KLHL30: variants seen among roughly 807,000 people sequenced by gnomAD.
KLHL30 encodes the protein kelch like family member 30, also known as kelch-like protein 30.
Under a neutral mutation model 55.0 loss-of-function variants are expected in KLHL30, and 55 were observed. That is an observed-to-expected ratio of 1.00 (90% CI 0.80 to 1.25). KLHL30 has a LOEUF of 1.25. KLHL30 is among the 50% of genes most tolerant of loss of function. KLHL30 has a pLI of 0.00. For missense variants in KLHL30, 786 were observed against 811.6 expected (o/e 0.97, Z 0.38); for synonymous variants, 356 against 372.6 (o/e 0.96, Z 0.51).
Position 238,142,131 on chromosome 2 carries a change from G to A in KLHL30, c.774+603G>A, listed in dbSNP as rs910741034. Among the ~76,000 whole-genome samples the A allele has an allele frequency of 1.6e-4, 24 of 152,260 alleles. 1 individual carries two copies. The highest frequency in any genetic ancestry group is 2.4e-4 in the African/African-American group (10 of 41,528). The stretch of plus-strand genomic sequence containing the variant: ...ATGACAGGTCTGGGAGTGGCTGTTC[G>A]GTCAGCTGCCGGGCACCCTGCTCAG... On this transcript the variant is annotated intron_variant, in intron 2 of 7. Transcript: ENST00000409223.
chr2:238,151,062 C>G lies in KLHL30; in HGVS notation c.1734C>G (p.His578Gln). 6.3e-7 allele frequency: 1 copy of G among 1,589,464 alleles called. No homozygotes were observed. ...AGCCCTCCGGCCCCACCCAGGAGCACTAAACCAGGGCCAGGGTCCCCGGGG... is the reference window on the plus strand; with the variant it reads ...AGCCCTCCGGCCCCACCCAGGAGCAGTAAACCAGGGCCAGGGTCCCCGGGG... ...WTQPSGPTQE[H>Q] Residue 578 changes from histidine to glutamine, a missense_variant, in exon 8 of 8, where the codon CAC becomes CAG. Physicochemically the swap from His to Gln is conservative, Grantham distance 24. Coordinates refer to ENST00000409223, the MANE Select transcript of KLHL30 (RefSeq NM_198582.4).
In KLHL30 at chr2:238,141,007, G is replaced by A; in HGVS notation, c.253G>A (p.Gly85Arg). 1 of 1,612,482 alleles carries A rather than the reference G, an allele frequency of 6.2e-7. No individual in the cohort carries two copies. The highest frequency in any genetic ancestry group is 8.5e-7 in the Non-Finnish European group (1 of 1,179,714). The change falls in exon 2 of 8, where the codon GGA (glycine) becomes AGA (arginine). Residue 85 changes from glycine (G) to arginine (R), a missense_variant. Transcript: ENST00000409223. ...GCGGGACGTGGAGCCCGCCGTGGTG[G>A]GACAACTGGTGGACTTCGTGTACAC... ...ELRDVEPAVV[G>R]QLVDFVYTGR...
At position 238,145,782 on chromosome 2, in the gene KLHL30, G is replaced by A. The variant is rs530757027; in HGVS notation, c.1100G>A (p.Arg367His). ...CCCGTGGCGCCCATGCTGAAGCCCC[G>A]CACCAACCACGCCAGCGCGGCCCTC... ...WKPVAPMLKP[R>H]TNHASAALNG... The change falls in exon 5 of 8, where the codon CGC becomes CAC. Residue 367 changes from arginine to histidine, a missense_variant. Coordinates refer to ENST00000409223, the MANE Select transcript of KLHL30 (RefSeq NM_198582.4). 51 of 1,607,614 alleles carry A rather than the reference G, an allele frequency of 3.2e-5. No individual in the cohort carries two copies. The highest frequency in any genetic ancestry group is 6.7e-5 in the East Asian group (3 of 44,728).
At chr2:238,148,979 C>A in intron 6 of KLHL30, 28 bp from the exon 7 acceptor site, 1 of 1,562,014 alleles carries the variant, frequency 6.4e-7, no homozygotes, top group South Asian at 1.2e-5. Flanking sequence ...ACCCTGGTGA[C>A]GGTGGCCAGT....
In KLHL30 at chr2:238,142,303, C is replaced by T. The variant is rs190875885; in HGVS notation, c.775-496C>T. Among the ~76,000 whole-genome samples, 8 of 152,342 alleles carry T rather than the reference C, an allele frequency of 5.3e-5. No individual in the cohort carries two copies. In the East Asian group the frequency reaches 9.6e-4, roughly 18 times the overall value. ...GGATTCCAGCCAGTCACAGAGCGCC[C>T]GGCCTCCTGCTGGAGCTGGCTTCAG... is the stretch of plus-strand genomic sequence containing the variant. On this transcript the variant is annotated intron_variant, in intron 2 of 7. Coordinates refer to ENST00000409223, the MANE Select transcript of KLHL30 (RefSeq NM_198582.4).
intron 2 of KLHL30, among the ~76,000 whole-genome samples, chr2:238,141,970 C>A (rs2106311009): frequency 6.6e-6 from 1 of 152,352 alleles, no homozygotes; most frequent in African/African-American, 2.4e-5. Context: ...AGGGGAAAAC[C>A]ATCCAGGAAG....
chr2:238,141,469 G>C lies in KLHL30; in HGVS notation c.715G>C (p.Glu239Gln). 1 of 1,517,624 alleles carries C rather than the reference G, an allele frequency of 6.6e-7. No individual in the cohort carries two copies. Among genetic ancestry groups the C allele is most frequent in the Non-Finnish European group, 8.8e-7 (1 of 1,138,314 alleles). 94.0% of individuals were successfully genotyped at this position (1,517,624 alleles called of 1,614,324 possible). Residue 239 changes from glutamate to glutamine, a missense_variant, in exon 2 of 8, where the codon GAG becomes CAG. Glu to Gln is a conservative substitution (Grantham distance 29). Transcript: ENST00000409223. ...RPCVQQLLAS[E>Q]PLIQESEACR... ...CTGCGTGCAGCAACTGCTGGCCTCA[G>C]AGCCCCTGATCCAGGAGTCAGAGGC...
At chr2:238,141,653 T>C in intron 2 of KLHL30, 125 bp downstream of exon 2, 1 of 1,095,552 alleles carries the variant, frequency 9.1e-7, no homozygotes, top group Non-Finnish European at 1.2e-6. Flanking sequence ...GCCACGCTCC[T>C]TGTTTTGGGC....
Position 238,147,885 on chromosome 2 carries a change from G to A in KLHL30, c.1202G>A (p.Ser401Asn), listed in dbSNP as rs887450499. 6.3e-7 allele frequency: 1 copy of A among 1,598,108 alleles called. No individual in the cohort carries two copies. Among genetic ancestry groups the A allele is most frequent in the Non-Finnish European group, 8.5e-7 (1 of 1,171,886 alleles). The change falls in exon 6 of 8, where the codon AGC becomes AAC. Residue 401 changes from serine (S) to asparagine (N), a missense_variant. By Grantham distance (46) the Ser-to-Asn change is conservative. Coordinates refer to ENST00000409223, the MANE Select transcript of KLHL30 (RefSeq NM_198582.4). The surrounding 1 kb of genome is among the most constrained non-coding windows in gnomAD (Gnocchi z 5.8). ...GAGAGCTATGACCCCTACACGGACA[G>A]CTGGACGCCCGTCAGCCCGGCCCTC... ...EVESYDPYTD[S>N]WTPVSPALKY...
chr2:238,144,098 C>T (rs905136473), intron 3 of KLHL30, among the ~76,000 whole-genome samples: 3 of 152,230 alleles, frequency 2.0e-5, no homozygotes, highest in South Asian at 4.1e-4. Flanking sequence ...CTTGTAGCTC[C>T]GAGAGGCAGG....
At chr2:238,146,618 G>A (rs1692652380) in intron 5 of KLHL30, among the ~76,000 whole-genome samples, 1 of 150,600 alleles carries the variant, frequency 6.6e-6, no homozygotes, top group South Asian at 2.1e-4. Flanking sequence ...TGTTGTCCAG[G>A]CTGGTCTCAA....
intron 1 of KLHL30, among the ~76,000 whole-genome samples, chr2:238,139,167 A>T (rs983556445): frequency 6.6e-6 from 1 of 152,194 alleles, no homozygotes; most frequent in Admixed American, 6.5e-5. Flanking sequence ...GACAGGTGTC[A>T]GCAGGCACCC....
chr2:238,149,086 C>CTT lies in KLHL30; in HGVS notation c.1420_1421insTT (p.Tyr474PhefsTer45). 6.2e-7 allele frequency: 1 copy of CTT among 1,613,324 alleles called. No homozygotes were observed. Among genetic ancestry groups the CTT allele is most frequent in the Non-Finnish European group, 8.5e-7 (1 of 1,179,860 alleles). ...GCTGTGCTGCACTGCACGGGGAGCT[C>CTT]TACCTCATTGGGGACAACACCAAGA... On this transcript the variant is annotated frameshift_variant, in exon 7 of 8. Coordinates refer to ENST00000409223, the MANE Select transcript of KLHL30 (RefSeq NM_198582.4). LOFTEE classifies it high-confidence loss of function.
intron 2 of KLHL30, among the ~76,000 whole-genome samples, 177 bp from the exon 3 acceptor site, chr2:238,142,622 T>C (rs2106311305): frequency 6.6e-6 from 1 of 152,304 alleles, no homozygotes; most frequent in Non-Finnish European, 1.5e-5. Context: ...ACTCCAGGAA[T>C]GCCCCTGAAA....
intron 6 of KLHL30, 143 bp from the exon 7 acceptor site, chr2:238,148,864 C>T (rs1409270418): frequency 1.5e-5 from 12 of 783,808 alleles, no homozygotes; most frequent in East Asian, 5.4e-5. Context: ...CCAGCTGCAC[C>T]GCAGGGACCT....
chr2:238,147,996 C>A lies in KLHL30; in HGVS notation c.1313C>A (p.Ala438Asp). The A allele has an allele frequency of 6.6e-7, 1 of 1,521,778 alleles. No homozygotes were observed. The highest frequency in any genetic ancestry group is 2.5e-5 in the East Asian group (1 of 39,690). 94.3% of individuals were successfully genotyped at this position (1,521,778 alleles called of 1,614,324 possible). A position where few individuals can be genotyped will look rare whatever the true frequency, so the allele number is the denominator to read the frequency against. Residue 438 changes from alanine to aspartate, a missense_variant, in exon 6 of 8, where the codon GCC (alanine) becomes GAC (aspartate). By Grantham distance (126) the Ala-to-Asp change is moderately radical. Transcript: ENST00000409223. This position sits in a 1 kb window ranked among gnomAD's most constrained non-coding sequence, Gnocchi z 5.8. ...AGCGCCTGCAAGTACAACGCCCTGG[C>A]CCTGCAGTGCTACAACCCTGTCACA... ...GSSACKYNAL[A>D]LQCYNPVTDA...
intron 6 of KLHL30, 59 bp downstream of exon 6, chr2:238,148,081 TC>T (rs1396067735): frequency 1.5e-6 from 2 of 1,320,012 alleles, no homozygotes; most frequent in African/African-American, 3.1e-5. Context: ...CAGGCGACAG[TC>T]CGCTCGTAGT....
chr2:238,144,369 C>T (rs541431536), intron 3 of KLHL30, among the ~76,000 whole-genome samples: 4 of 78,952 alleles, frequency 5.1e-5, no homozygotes, highest in East Asian at 3.2e-4. Context: ...GGAGGGTGCT[C>T]GGAAGGAAGG....
intron 5 of KLHL30, among the ~76,000 whole-genome samples, chr2:238,146,236 C>T (rs972677627): frequency 6.6e-6 from 1 of 151,716 alleles, no homozygotes; most frequent in Non-Finnish European, 1.5e-5. Flanking sequence ...AAAATGTGGC[C>T]GGGTGTGGTG....
Sources: allele counts gnomAD v4.1 joint callset (sites outside exome capture counted in the v4.1 genomes callset), GRCh38; gene constraint gnomAD v4.1.1; non-coding constraint Gnocchi (gnomAD v3.1); transcripts MANE v1.5; gene names NCBI Gene and HGNC (gene_info 2026-07-23, HGNC 2026-07-21).